VNN1: variants seen among roughly 807,000 people sequenced by gnomAD.
VNN1 encodes vanin 1.
VNN1 carries 29 observed loss-of-function variants against 41.9 expected under a neutral mutation model. The ratio of observed to expected loss-of-function variants is 0.69; its 90% CI spans 0.52 to 0.94. The LOEUF is 0.94. Ranked by LOEUF, VNN1 falls within the 40% of genes least tolerant of loss-of-function variation. The pLI is 0.00. For missense variants in VNN1, 637 were observed against 621.1 expected (o/e 1.03, Z -0.27); for synonymous variants, 233 against 224.4 (o/e 1.04, Z -0.34).
chr6:132,694,521 C>T (rs575706332), intron 2 of VNN1, among the ~76,000 whole-genome samples: 2 of 152,110 alleles, frequency 1.3e-5, no homozygotes, highest in East Asian at 1.9e-4. Flanking sequence ...ACTTACATAT[C>T]CCGTTTACTA....
chr6:132,693,003 A>G (rs745334597), intron 4 of VNN1, 21 bp downstream of exon 4: 1 of 1,569,324 alleles, frequency 6.4e-7, no homozygotes, highest in East Asian at 2.3e-5. Context: ...CAGCCTGCAT[A>G]TCTTTAAGAT....
At chr6:132,695,765 C>T (rs1042733759) in intron 2 of VNN1, among the ~76,000 whole-genome samples, 2 of 152,126 alleles carry the variant, frequency 1.3e-5, no homozygotes, top group African/African-American at 4.8e-5. Flanking sequence ...GGGAAAGGTA[C>T]AGACTCATAA....
intron 2 of VNN1, among the ~76,000 whole-genome samples, chr6:132,697,269 A>T (rs898406933): frequency 6.6e-6 from 1 of 152,208 alleles, no homozygotes; most frequent in Non-Finnish European, 1.5e-5. Flanking sequence ...GACAGAAGCA[A>T]CCTGGTCAAA....
At chr6:132,686,370 C>G (rs1778208198) in intron 5 of VNN1, among the ~76,000 whole-genome samples, 1 of 152,128 alleles carries the variant, frequency 6.6e-6, no homozygotes, top group African/African-American at 2.4e-5. Flanking sequence ...ATTGCTTGAA[C>G]CCGGGAGGCA....
chr6:132,711,839 C>G lies in VNN1; in HGVS notation c.211G>C (p.Gly71Arg). The stretch of plus-strand genomic sequence containing the variant: ...TCTGGAGTCACAATAATATGCGCAC[C>G]CTGTTAAAAATGCAACTTAATCCAA... ...EGAITSAADQ[G>R]AHIIVTPEDA... Residue 71 changes from glycine to arginine, a missense_variant and splice_region_variant, in exon 2 of 7, where the codon GGT becomes CGT. Transcript: ENST00000367928. The G allele has an allele frequency of 6.2e-7, 1 of 1,612,920 alleles. No individual in the cohort carries two copies. Among genetic ancestry groups the G allele is most frequent in the Non-Finnish European group, 8.5e-7 (1 of 1,179,472 alleles).
In VNN1 at chr6:132,693,275, T is replaced by C. The variant is rs1778318606; in HGVS notation, c.575A>G (p.Lys192Arg). The C allele has an allele frequency of 6.2e-7, 1 of 1,612,212 alleles. No individual in the cohort carries two copies. Among genetic ancestry groups the C allele is most frequent in the East Asian group, 2.2e-5 (1 of 44,858 alleles). The change falls in exon 4 of 7, where the codon AAG becomes AGG. Residue 192 changes from lysine (K) to arginine (R), a missense_variant. Transcript: ENST00000367928. ...FMGENQFNVP[K>R]EPEIVTFNTT... ...ATTGAAAGTCACAATCTCAGGCTCC[T>C]TGGGTACATTGAATTGATTTTCACC...
intron 5 of VNN1, among the ~76,000 whole-genome samples, chr6:132,686,318 T>A (rs1395886266): frequency 6.6e-6 from 1 of 151,912 alleles, no homozygotes; most frequent in African/African-American, 2.4e-5. Flanking sequence ...AGTGGTGGCA[T>A]GAACCTGTAA....
intron 2 of VNN1, chr6:132,699,643 C>T (rs1251247211): frequency 1.3e-5 from 2 of 156,870 alleles, no homozygotes; most frequent in African/African-American, 2.4e-5. Context: ...AATTCACCAT[C>T]CAACAATTCC....
At chr6:132,702,893 C>T (rs1435663660) in intron 2 of VNN1, among the ~76,000 whole-genome samples, 3 of 152,188 alleles carry the variant, frequency 2.0e-5, no homozygotes, top group Non-Finnish European at 4.4e-5. Context: ...CACCACGAGG[C>T]TTGGGTGGGA....
At chr6:132,704,496 A>C (rs1278819255) in intron 2 of VNN1, among the ~76,000 whole-genome samples, 2 of 152,128 alleles carry the variant, frequency 1.3e-5, no homozygotes, top group Non-Finnish European at 2.9e-5. Context: ...AGAAATTTAA[A>C]ATTTTTATTG....
chr6:132,713,166 T>G (rs1251646131), intron 1 of VNN1, among the ~76,000 whole-genome samples: 4 of 152,208 alleles, frequency 2.6e-5, no homozygotes, highest in Non-Finnish European at 5.9e-5. Flanking sequence ...TTTATAGATA[T>G]ATGTAATACA....
intron 2 of VNN1, among the ~76,000 whole-genome samples, chr6:132,701,824 A>G (rs1347072804): frequency 6.6e-6 from 1 of 152,224 alleles, no homozygotes; most frequent in Non-Finnish European, 1.5e-5. Flanking sequence ...CATGGTGTGG[A>G]GAGAAAATTT....
intron 2 of VNN1, among the ~76,000 whole-genome samples, chr6:132,697,035 G>A (rs962436075): frequency 1.3e-5 from 2 of 152,110 alleles, no homozygotes; most frequent in African/African-American, 4.8e-5. Context: ...AACTCGGGAG[G>A]TGGAGCTTGC....
At chr6:132,692,626 T>C in intron 4 of VNN1, 42 bp from the exon 5 acceptor site, 2 of 1,515,162 alleles carry the variant, frequency 1.3e-6, no homozygotes, top group East Asian at 2.3e-5. Context: ...AATTGGAAAG[T>C]AAAAAGGGAT....
At position 132,682,488 on chromosome 6, in the gene VNN1, A is replaced by G. The variant is rs1198206130; in HGVS notation, c.*652T>C. 1.3e-5 allele frequency: 2 copies of G among 152,476 alleles called. No homozygotes were observed. The highest frequency in any genetic ancestry group is 2.9e-5 in the Non-Finnish European group (2 of 68,304). The allele number at this position is 152,476 out of a possible 1,614,324, so 9.4% of individuals were successfully genotyped here. A position where few individuals can be genotyped will look rare whatever the true frequency, so the allele number is the denominator to read the frequency against. On this transcript the variant is annotated 3_prime_UTR_variant, in exon 7 of 7. Coordinates refer to ENST00000367928, the MANE Select transcript of VNN1 (RefSeq NM_004666.3). ...GGCCCTCTCTTCTTAGCTTGTAAAG[A>G]GTTGTCCTTCCTCTGTGTCTCCTTA... is the stretch of plus-strand genomic sequence containing the variant.
At chr6:132,706,211 A>G (rs1388448713) in intron 2 of VNN1, among the ~76,000 whole-genome samples, 1 of 152,146 alleles carries the variant, frequency 6.6e-6, no homozygotes, top group Non-Finnish European at 1.5e-5. Context: ...CTCCTAAGCA[A>G]AAAGAAAAAA....
intron 2 of VNN1, among the ~76,000 whole-genome samples, chr6:132,702,538 G>A (rs141276007): frequency 5.6e-4 from 86 of 152,300 alleles, no homozygotes; most frequent in Middle Eastern, 3.4e-3. Flanking sequence ...ACCAGCTGGA[G>A]TAGTCAAAGG....
chr6:132,695,756 G>A (rs917759258), intron 2 of VNN1, among the ~76,000 whole-genome samples: 4 of 152,012 alleles, frequency 2.6e-5, no homozygotes, highest in Admixed American at 6.6e-5. Flanking sequence ...ACATGCCCAG[G>A]GAAAGGTACA....
In VNN1 at chr6:132,694,095, C is replaced by G; in HGVS notation, c.429G>C (p.Lys143Asn). The G allele has an allele frequency of 1.2e-6, 2 of 1,614,174 alleles. No individual in the cohort carries two copies. Among genetic ancestry groups the G allele is most frequent in the Non-Finnish European group, 1.7e-6 (2 of 1,180,020 alleles). The change falls in exon 3 of 7, where the codon AAG becomes AAC. Residue 143 changes from lysine to asparagine, a missense_variant. Transcript: ENST00000367928. ...IYVVANIGDKKPCDTSDPQCP... is the reference protein window; with the variant it reads ...IYVVANIGDKNPCDTSDPQCP... The stretch of plus-strand genomic sequence containing the variant: ...ACTGAGGATCACTGGTATCGCATGG[C>G]TTCTTGTCCCCAATATTTGCCACAA...
Sources: gnomAD v4.1 joint callset for allele counts (sites outside exome capture counted in the v4.1 genomes callset) on GRCh38, gnomAD v4.1.1 for gene constraint, MANE v1.5 for transcripts, NCBI Gene and HGNC (gene_info 2026-07-23, HGNC 2026-07-21) for gene names.